Variants in WLS observed in about 807,000 individuals in gnomAD.
The protein encoded by WLS is protein wntless homolog.
WLS carries 23 observed loss-of-function variants against 62.8 expected under a neutral mutation model. The observed-to-expected ratio is 0.37, with a 90% CI of 0.26 to 0.52. The LOEUF is 0.52. WLS is among the 20% of genes least tolerant of loss of function. The pLI, the probability that WLS is intolerant of heterozygous loss-of-function variation, is 0.92. For missense variants in WLS, 615 were observed against 697.3 expected, an observed-to-expected ratio of 0.88 and a Z score of 1.33; for synonymous variants, 246 against 244.1, an observed-to-expected ratio of 1.01 and a Z score of -0.07.
At chr1:68,131,062 TTGTGTGTGTG>T (rs6143260) in intron 11 of WLS, among the ~76,000 whole-genome samples, 7 of 146,148 alleles carry the variant, frequency 4.8e-5, no homozygotes, top group Admixed American at 1.4e-4. Context: ...CCAGCTAATT[TTGTGTGTGTG>T]TGTGTGTGTG....
Position 68,109,883 on chromosome 1 carries a change from G to T in WLS, c.1511-11130C>A, listed in dbSNP as rs184991276. On this transcript the variant is annotated intron_variant, in intron 11 of 11. Coordinates refer to the WLS transcript ENST00000354777. Reference sequence around the variant, plus strand: ...GATGAGATACCAGCAACAAACTTCTGGAAAATGGAATATAAATGAAGAATT... The same window carrying T: ...GATGAGATACCAGCAACAAACTTCTTGAAAATGGAATATAAATGAAGAATT... 1.4e-3 allele frequency among the ~76,000 whole-genome samples: 210 copies of T among 151,846 alleles called. 4 individuals carry two copies. Among genetic ancestry groups the T allele is most frequent in the Non-Finnish European group, 1.7e-3 (113 of 67,904 alleles).
intron 2 of WLS, among the ~76,000 whole-genome samples, chr1:68,171,526 AAAG>A: frequency 6.6e-6 from 1 of 152,360 alleles, no homozygotes; most frequent in East Asian, 1.9e-4. Flanking sequence ...CCACTTCGCA[AAAG>A]AAGATTCTAA....
chr1:68,227,761 T>G (rs889796760), intron 1 of WLS, among the ~76,000 whole-genome samples: 2 of 152,158 alleles, frequency 1.3e-5, no homozygotes, highest in Non-Finnish European at 2.9e-5. Flanking sequence ...TTGTCAAGAT[T>G]CTTGTCAAGA....
At chr1:68,176,823 C>A (rs1647277833) in intron 2 of WLS, among the ~76,000 whole-genome samples, 1 of 152,208 alleles carries the variant, frequency 6.6e-6, no homozygotes, top group African/African-American at 2.4e-5. Flanking sequence ...AACTTTTTCT[C>A]CAGTAACAGC....
At chr1:68,158,303 C>T (rs145396128) in intron 3 of WLS, among the ~76,000 whole-genome samples, 15 of 152,218 alleles carry the variant, frequency 9.9e-5, no homozygotes, top group South Asian at 2.1e-4. Flanking sequence ...AGGAAACCTG[C>T]GGGAGGGAGA....
Position 68,129,456 on chromosome 1 carries a change from A to T in WLS, c.1517-3121T>A, listed in dbSNP as rs1325696196. Among the ~76,000 whole-genome samples the T allele has an allele frequency of 2.6e-5, 4 of 152,246 alleles. No individual in the cohort carries two copies. The South Asian group carries it at 6.2e-4, about 24-fold the overall frequency. On this transcript the variant is annotated intron_variant, in intron 11 of 11. Coordinates refer to ENST00000262348, the MANE Select transcript of WLS (RefSeq NM_024911.7). ...GGAGAGCTGTTATAAATTTATGAGTATTGGCCATATGCACTGTTAGGGGTT... is the reference window on the plus strand; with the variant it reads ...GGAGAGCTGTTATAAATTTATGAGTTTTGGCCATATGCACTGTTAGGGGTT...
chr1:68,138,243 G>T, intron 10 of WLS: 1 of 305,646 alleles, frequency 3.3e-6, no homozygotes, highest in Non-Finnish European at 6.1e-6. Context: ...AACTGTGTTT[G>T]AGCCCATCAC....
intron 2 of WLS, chr1:68,161,814 C>A: frequency 6.2e-7 from 1 of 1,603,076 alleles, no homozygotes; most frequent in East Asian, 2.2e-5. Context: ...TGGGAGAGGG[C>A]GCCTGGGAAG....
chr1:68,198,211 A>T (rs1471611454), intron 1 of WLS, among the ~76,000 whole-genome samples: 1 of 152,196 alleles, frequency 6.6e-6, no homozygotes, highest in African/African-American at 2.4e-5. Context: ...TTTGGCCAAA[A>T]CTAAATATGC....
intron 9 of WLS, among the ~76,000 whole-genome samples, chr1:68,145,337 G>A (rs1418237217): frequency 7.9e-5 from 12 of 152,160 alleles, no homozygotes; most frequent in Admixed American, 7.9e-4. Context: ...GCTTGCATTG[G>A]GGATTTGAGG....
At chr1:68,193,905 G>A (rs549445879) in intron 2 of WLS, 50 bp downstream of exon 2, 1 of 1,569,608 alleles carries the variant, frequency 6.4e-7, no homozygotes, top group African/African-American at 1.4e-5. Context: ...AGAACCCAAA[G>A]AGGGCAATGC....
At chr1:68,121,976 C>T (rs1338047197), downstream of WLS, among the ~76,000 whole-genome samples, 1 of 152,192 alleles carries the variant, frequency 6.6e-6, no homozygotes, top group Non-Finnish European at 1.5e-5. Context: ...CTTCTATTTC[C>T]TCTTTTAGCC....
At chr1:68,184,750 T>C (rs1434089204) in intron 2 of WLS, among the ~76,000 whole-genome samples, 1 of 152,212 alleles carries the variant, frequency 6.6e-6, no homozygotes, top group Non-Finnish European at 1.5e-5. Flanking sequence ...GACTCAATCA[T>C]AGATTTCCAC....
Position 68,126,021 on chromosome 1 carries a change from C to T in WLS, c.*205G>A. ...ATACCAGAGTTTTTGTTATCATACA[C>T]AATGCATTAGTGGCTGCAGGAATCT... On this transcript the variant is annotated 3_prime_UTR_variant, in exon 12 of 12. Transcript: ENST00000262348. 1.4e-6 allele frequency: 2 copies of T among 1,406,142 alleles called. No individual in the cohort carries two copies. Among genetic ancestry groups the T allele is most frequent in the Non-Finnish European group, 1.9e-6 (2 of 1,076,358 alleles). 87.1% of individuals were successfully genotyped at this position (1,406,142 alleles called of 1,614,324 possible).
intron 1 of WLS, among the ~76,000 whole-genome samples, chr1:68,222,733 G>A (rs1158825380): frequency 3.3e-5 from 5 of 151,966 alleles, no homozygotes; most frequent in Admixed American, 1.3e-4. Flanking sequence ...TCATCCTTAC[G>A]ATTTAATACT....
chr1:68,124,256 CG>C (rs1458589735), downstream of WLS, among the ~76,000 whole-genome samples: 1 of 152,172 alleles, frequency 6.6e-6, no homozygotes, highest in African/African-American at 2.4e-5. Flanking sequence ...TCATTCTGAT[CG>C]TATCACTTTT....
chr1:68,221,389 G>T (rs532348994), intron 1 of WLS, among the ~76,000 whole-genome samples: 2 of 152,170 alleles, frequency 1.3e-5, no homozygotes, highest in Non-Finnish European at 2.9e-5. Flanking sequence ...CCAATGTGCA[G>T]TCTTTTCAAA....
chr1:68,197,983 G>T (rs917242893), intron 1 of WLS, among the ~76,000 whole-genome samples: 1 of 152,102 alleles, frequency 6.6e-6, no homozygotes, highest in African/African-American at 2.4e-5. Flanking sequence ...TTCAAGAGGG[G>T]GCTGGATAGA....
chr1:68,162,465 A>T, intron 2 of WLS: 1 of 1,613,970 alleles, frequency 6.2e-7, no homozygotes, highest in Non-Finnish European at 8.5e-7. Flanking sequence ...AGTAGGGGTC[A>T]TAAAATATGA....
Sources: allele counts gnomAD v4.1 joint callset (sites outside exome capture counted in the v4.1 genomes callset), GRCh38; gene constraint gnomAD v4.1.1; transcripts MANE v1.5; gene names NCBI Gene and HGNC (gene_info 2026-07-23, HGNC 2026-07-21).